Variants in TBC1D14 observed in about 807,000 individuals in gnomAD.
TBC1D14 encodes TBC1 domain family, member 14.
TBC1D14 carries 26 observed loss-of-function variants against 79.0 expected under a neutral mutation model. The observed-to-expected ratio is 0.33, with a 90% CI of 0.24 to 0.46. The LOEUF is 0.46. Ranked by LOEUF, TBC1D14 falls within the 20% of genes least tolerant of loss-of-function variation. The pLI, the probability that TBC1D14 is intolerant of heterozygous loss-of-function variation, is 1.00. For missense variants in TBC1D14, 769 were observed against 887.6 expected (o/e 0.87, Z 1.70); for synonymous variants, 394 against 349.9 (o/e 1.13, Z -1.40).
intron 3 of TBC1D14, among the ~76,000 whole-genome samples, chr4:6,973,486 G>A (rs752417710): frequency 5.3e-4 from 81 of 152,080 alleles, no homozygotes; most frequent in Non-Finnish European, 8.1e-4. Context: ...CAGGTTAGAC[G>A]GAATAAGCAC....
intron 3 of TBC1D14, among the ~76,000 whole-genome samples, chr4:6,971,335 A>G (rs1487217031): frequency 3.3e-5 from 5 of 152,196 alleles, no homozygotes; most frequent in Non-Finnish European, 7.3e-5. Context: ...GTTACTAGTC[A>G]AGGAATGGAT....
intron 3 of TBC1D14, chr4:6,987,338 C>G: frequency 7.0e-7 from 1 of 1,423,584 alleles, no homozygotes; most frequent in Admixed American, 2.5e-5. Context: ...CTCTAAGGCC[C>G]CGGCGTTCAT....
chr4:6,923,053 T>G (rs1723992058), intron 1 of TBC1D14, among the ~76,000 whole-genome samples: 1 of 152,078 alleles, frequency 6.6e-6, no homozygotes, highest in East Asian at 1.9e-4. Context: ...ATACAAAAAT[T>G]AGCTGGGCGT....
In TBC1D14 at chr4:6,930,588, G is replaced by A. The variant is rs1295718160; in HGVS notation, c.722+6477G>A. Among the ~76,000 whole-genome samples the A allele has an allele frequency of 3.9e-5, 6 of 152,152 alleles. No homozygotes were observed. The East Asian group carries it at 7.8e-4, about 20-fold the overall frequency. On this transcript the variant is annotated intron_variant, in intron 2 of 13. Transcript: ENST00000409757. Reference sequence around the variant, plus strand: ...TGAGGCGGGTAGATCACTTGAGGTCGGGAGTTGGAGACCAGCCTGGCTAAC... The same window carrying A: ...TGAGGCGGGTAGATCACTTGAGGTCAGGAGTTGGAGACCAGCCTGGCTAAC...
chr4:6,928,685 T>C (rs889997304), intron 2 of TBC1D14, among the ~76,000 whole-genome samples: 1 of 152,124 alleles, frequency 6.6e-6, no homozygotes, highest in Non-Finnish European at 1.5e-5. Flanking sequence ...ATACAAAAAT[T>C]AGCTGGGTTT....
chr4:6,980,936 C>A (rs368235361), intron 3 of TBC1D14, among the ~76,000 whole-genome samples: 2 of 151,032 alleles, frequency 1.3e-5, no homozygotes, highest in East Asian at 3.9e-4. Context: ...AGGATGGTCT[C>A]GATCTCCTGA....
intron 1 of TBC1D14, among the ~76,000 whole-genome samples, chr4:6,915,607 G>A (rs1044861083): frequency 1.3e-5 from 2 of 152,120 alleles, no homozygotes; most frequent in Non-Finnish European, 2.9e-5. Context: ...ATACTACCTG[G>A]CTCACAGGGC....
At chr4:6,941,519 T>C (rs1712909933) in intron 2 of TBC1D14, among the ~76,000 whole-genome samples, 1 of 152,194 alleles carries the variant, frequency 6.6e-6, no homozygotes, top group Non-Finnish European at 1.5e-5. Flanking sequence ...CACTTTATGT[T>C]GCTCCTGACA....
At chr4:6,988,520 T>C (rs1292123771) in intron 3 of TBC1D14, among the ~76,000 whole-genome samples, 1 of 152,248 alleles carries the variant, frequency 6.6e-6, no homozygotes, top group African/African-American at 2.4e-5. Flanking sequence ...GTGGTGGCCG[T>C]GCTGTCACAG....
At chr4:7,016,087 T>C (rs1721255486) in intron 12 of TBC1D14, among the ~76,000 whole-genome samples, 1 of 152,248 alleles carries the variant, frequency 6.6e-6, no homozygotes, top group African/African-American at 2.4e-5. Context: ...CAGCCTTGTC[T>C]GTGCCCTTAA....
intron 3 of TBC1D14, among the ~76,000 whole-genome samples, chr4:6,975,617 G>A (rs73088554): frequency 0.014 from 2,162 of 152,206 alleles, 54 homozygotes; most frequent in African/African-American, 0.049. Context: ...AACAAGTAAG[G>A]GTGCACACTT....
intron 2 of TBC1D14, among the ~76,000 whole-genome samples, chr4:6,960,331 A>G (rs1437321689): frequency 6.6e-6 from 1 of 150,710 alleles, no homozygotes; most frequent in Non-Finnish European, 1.5e-5. Flanking sequence ...AGCTCAAGTG[A>G]TCCGCCCACC....
intron 12 of TBC1D14, among the ~76,000 whole-genome samples, chr4:7,015,684 A>G (rs1721209305): frequency 1.3e-5 from 2 of 152,146 alleles, no homozygotes; most frequent in Non-Finnish European, 2.9e-5. Context: ...CTCTCAGATC[A>G]CATGGTGGGA....
intron 2 of TBC1D14, among the ~76,000 whole-genome samples, chr4:6,950,642 G>C (rs1713951159): frequency 6.6e-6 from 1 of 151,812 alleles, no homozygotes; most frequent in Admixed American, 6.6e-5. Flanking sequence ...AATTATGACT[G>C]TTGTATTTTA....
chr4:6,912,315 G>A lies in TBC1D14; in HGVS notation c.-18+2364G>A, dbSNP rs567046522. ...GAATCGCTTGAACCCGGGAGGTGGA[G>A]GTTGCAGTGAGCCGAGATCTCACCA... On this transcript the variant is annotated intron_variant, in intron 1 of 13. Transcript: ENST00000409757. Among the ~76,000 whole-genome samples the A allele has an allele frequency of 3.4e-4, 51 of 148,672 alleles. No individual in the cohort carries two copies. The South Asian group carries it at 9.9e-3, about 29-fold the overall frequency.
rs115370731 is a variant in TBC1D14 at position 6,918,446 on chromosome 4, C to T, written c.-17-4927C>T. 2.4e-3 allele frequency among the ~76,000 whole-genome samples: 371 copies of T among 152,316 alleles called. 1 individual carries two copies. Among genetic ancestry groups the T allele is most frequent in the African/African-American group, 8.4e-3 (349 of 41,566 alleles). On this transcript the variant is annotated intron_variant, in intron 1 of 13. Transcript: ENST00000409757. ...GTACTAGGAAGTAAAGGGAAGCACA[C>T]GTTCATTGGGCACCTGCTGTGTGTC...
rs1032281435 is a variant in TBC1D14, at chr4:7,031,055, C to A, written c.*663C>A. 6.6e-6 allele frequency: 1 copy of A among 152,394 alleles called. No homozygotes were observed. Among genetic ancestry groups the A allele is most frequent in the South Asian group, 2.1e-4 (1 of 4,840 alleles). The allele number at this position is 152,394 out of a possible 1,614,324, so 9.4% of individuals were successfully genotyped here. A position where few individuals can be genotyped will look rare whatever the true frequency, so the allele number is the denominator to read the frequency against. ...GCACACGTGGGCTCCAGTGGGACTG[C>A]GCTCTGGGAGACTGCTCCCTGGCAT... On this transcript the variant is annotated 3_prime_UTR_variant, in exon 14 of 14. Transcript: ENST00000409757.
intron 12 of TBC1D14, among the ~76,000 whole-genome samples, chr4:7,021,174 A>T (rs572439635): frequency 6.6e-6 from 1 of 152,346 alleles, no homozygotes; most frequent in South Asian, 2.1e-4. Context: ...ATTTTCTGGA[A>T]GTTGTGAAGA....
chr4:6,997,842 TG>T (rs1377607610), intron 5 of TBC1D14, among the ~76,000 whole-genome samples: 1 of 152,004 alleles, frequency 6.6e-6, no homozygotes, highest in East Asian at 1.9e-4. Context: ...AAAAGTAGAA[TG>T]ATGGGTGCTA....
Sources: allele counts gnomAD v4.1 joint callset (sites outside exome capture counted in the v4.1 genomes callset), GRCh38; gene constraint gnomAD v4.1.1; transcripts MANE v1.5; gene names NCBI Gene and HGNC (gene_info 2026-07-23, HGNC 2026-07-21).